Variants in CDH13 observed in about 807,000 individuals in gnomAD.
The protein encoded by CDH13 is cadherin-13.
A neutral mutation model predicts 63.8 loss-of-function variants in CDH13; 24 were observed. That is an observed-to-expected ratio of 0.38 (90% CI 0.27 to 0.53). The LOEUF (loss-of-function observed/expected upper bound fraction) is 0.53, where lower values mean the gene tolerates loss of function less well. Ranked by LOEUF, CDH13 falls within the 20% of genes least tolerant of loss-of-function variation. The pLI, the probability that CDH13 is intolerant of heterozygous loss-of-function variation, is 0.85. For missense variants in CDH13, 1,049 were observed against 903.1 expected, an observed-to-expected ratio of 1.16 and a Z score of -2.07; for synonymous variants, 503 against 355.3, an observed-to-expected ratio of 1.42 and a Z score of -4.67.
chr16:83,077,660 T>G (rs1168471506), intron 3 of CDH13, among the ~76,000 whole-genome samples: 1 of 152,218 alleles, frequency 6.6e-6, no homozygotes, highest in East Asian at 1.9e-4. Flanking sequence ...ATGAATAAAA[T>G]TGCTATAAAA....
Position 83,800,243 on chromosome 16 carries a change from CT to C in CDH13, c.*5214del, listed in dbSNP as rs1392707673. 1 of 152,118 alleles carries C rather than the reference CT, an allele frequency of 6.6e-6. No individual in the cohort carries two copies. The highest frequency in any genetic ancestry group is 1.5e-5 in the Non-Finnish European group (1 of 68,018). The allele number at this position is 152,118 out of a possible 1,614,324, so 9.4% of individuals were successfully genotyped here. On this transcript the variant is annotated 3_prime_UTR_variant, in exon 14 of 14. Coordinates refer to ENST00000567109, the MANE Select transcript of CDH13 (RefSeq NM_001257.5). ...AAGCACTATGAAAATAAACTGGAGA[CT>C]ATTTTTTTGCTACTTTTTAAAAAGC...
intron 4 of CDH13, among the ~76,000 whole-genome samples, chr16:83,214,229 C>T (rs571056004): frequency 6.6e-6 from 1 of 152,008 alleles, no homozygotes; most frequent in South Asian, 2.1e-4. Flanking sequence ...CCTTCCCACG[C>T]AGGGAGCTGT....
At chr16:82,782,564 A>AAAT (rs540194594) in intron 1 of CDH13, among the ~76,000 whole-genome samples, 2 of 151,090 alleles carry the variant, frequency 1.3e-5, no homozygotes, top group African/African-American at 4.9e-5. Context: ...AAAAAAAAAA[A>AAAT]AATAATAATA....
intron 8 of CDH13, among the ~76,000 whole-genome samples, chr16:83,658,506 C>T (rs1913102945): frequency 6.8e-6 from 1 of 146,436 alleles, no homozygotes; most frequent in Non-Finnish European, 1.5e-5. Context: ...AGCAAGGTCC[C>T]ATGTCCTCAC....
chr16:83,403,180 A>G (rs1003132331), intron 6 of CDH13, among the ~76,000 whole-genome samples: 4 of 152,136 alleles, frequency 2.6e-5, no homozygotes, highest in African/African-American at 4.8e-5. Context: ...GGTACACTAT[A>G]TGAGGTTAGT....
rs76834502 is a variant in CDH13 at position 83,337,390 on chromosome 16, A to G, written c.637-7472A>G. ...TCTTTAGCTCCTTCTCCATTTCAGGAGTTGAGCCCCTTTTTTCCTCCCATT... is the reference window on the plus strand; with the variant it reads ...TCTTTAGCTCCTTCTCCATTTCAGGGGTTGAGCCCCTTTTTTCCTCCCATT... On this transcript the variant is annotated intron_variant, in intron 5 of 13. Coordinates refer to ENST00000567109, the MANE Select transcript of CDH13 (RefSeq NM_001257.5). Among the ~76,000 whole-genome samples, 1,233 of 152,212 alleles carry G rather than the reference A, an allele frequency of 8.1e-3. 8 individuals carry two copies. Among genetic ancestry groups the G allele is most frequent in the Non-Finnish European group, 0.011 (735 of 68,018 alleles).
At chr16:83,700,318 C>A (rs994541326) in intron 10 of CDH13, among the ~76,000 whole-genome samples, 1 of 152,164 alleles carries the variant, frequency 6.6e-6, no homozygotes, top group Non-Finnish European at 1.5e-5. Context: ...GTCCCCACCT[C>A]GAAAGAACTT....
chr16:82,934,754 G>T (rs1293627966), intron 2 of CDH13, among the ~76,000 whole-genome samples: 1 of 152,188 alleles, frequency 6.6e-6, no homozygotes, highest in East Asian at 1.9e-4. Flanking sequence ...AATGCCATCA[G>T]TCTCTTTGCT....
At chr16:82,970,918 G>C (rs1908647759) in intron 2 of CDH13, among the ~76,000 whole-genome samples, 2 of 152,158 alleles carry the variant, frequency 1.3e-5, no homozygotes, top group African/African-American at 2.4e-5. Flanking sequence ...CTTACTCAGA[G>C]TGCAGGCACA....
At chr16:83,264,925 A>G (rs532715080) in intron 5 of CDH13, among the ~76,000 whole-genome samples, 6 of 152,344 alleles carry the variant, frequency 3.9e-5, no homozygotes, top group South Asian at 2.1e-4. Flanking sequence ...TATTGTGGCT[A>G]TAAGAATCTG....
intron 1 of CDH13, among the ~76,000 whole-genome samples, chr16:82,741,066 A>C (rs1597449809): frequency 6.6e-6 from 1 of 151,084 alleles, no homozygotes; most frequent in East Asian, 1.9e-4. Context: ...TCTCACTCTC[A>C]CTCTCCCCAC....
intron 5 of CDH13, among the ~76,000 whole-genome samples, chr16:83,239,240 C>G (rs1024603116): frequency 2.0e-5 from 3 of 152,080 alleles, no homozygotes; most frequent in African/African-American, 4.8e-5. Flanking sequence ...AGAGGGAGAG[C>G]AGCAGGTTCA....
At chr16:82,938,151 C>G (rs949680253) in intron 2 of CDH13, among the ~76,000 whole-genome samples, 1 of 152,154 alleles carries the variant, frequency 6.6e-6, no homozygotes, top group African/African-American at 2.4e-5. Context: ...ATCTTAAGAG[C>G]CTTTACTGAA....
intron 6 of CDH13, among the ~76,000 whole-genome samples, chr16:83,470,256 C>A (rs935910040): frequency 1.3e-5 from 2 of 152,094 alleles, no homozygotes; most frequent in African/African-American, 4.8e-5. Context: ...GGTGTCTCAC[C>A]ATGTTGCCCA....
chr16:83,086,050 G>T (rs1179120113), intron 3 of CDH13, among the ~76,000 whole-genome samples: 1 of 152,154 alleles, frequency 6.6e-6, no homozygotes, highest in Non-Finnish European at 1.5e-5. Flanking sequence ...CTCCAATTGA[G>T]AACAAACAAG....
intron 10 of CDH13, chr16:83,717,932 C>T (rs536672970): frequency 6.6e-6 from 1 of 152,374 alleles, no homozygotes; most frequent in East Asian, 1.9e-4. Context: ...GGAACTAATT[C>T]ACCACTCTGG....
chr16:83,370,564 C>T (rs939257063), intron 6 of CDH13, among the ~76,000 whole-genome samples: 4 of 152,004 alleles, frequency 2.6e-5, no homozygotes, highest in Non-Finnish European at 5.9e-5. Flanking sequence ...ATTTCATCAC[C>T]CAGGTAATAA....
At chr16:83,371,056 A>G (rs561859111) in intron 6 of CDH13, among the ~76,000 whole-genome samples, 1 of 152,340 alleles carries the variant, frequency 6.6e-6, no homozygotes, top group South Asian at 2.1e-4. Flanking sequence ...AAGGTTGCAG[A>G]AAAAAAGGGA....
chr16:82,731,382 A>G (rs2033394878), intron 1 of CDH13, among the ~76,000 whole-genome samples: 1 of 152,256 alleles, frequency 6.6e-6, no homozygotes, highest in Admixed American at 6.5e-5. Flanking sequence ...ACTCTAGTCT[A>G]GACTTACAAA....
Sources: allele counts gnomAD v4.1 joint callset (sites outside exome capture counted in the v4.1 genomes callset), GRCh38; gene constraint gnomAD v4.1.1; transcripts MANE v1.5; gene names NCBI Gene and HGNC (gene_info 2026-07-23, HGNC 2026-07-21).